Variants in CTNNA3 observed in about 807,000 individuals in gnomAD.
The protein encoded by CTNNA3 is catenin alpha 3.
CTNNA3 carries 76 observed loss-of-function variants against 95.7 expected under a neutral mutation model. The ratio of observed to expected loss-of-function variants is 0.79; its 90% CI spans 0.66 to 0.96. The LOEUF (loss-of-function observed/expected upper bound fraction) is 0.96. CTNNA3 is among the 40% of genes least tolerant of loss of function. CTNNA3 has a pLI of 0.00. For missense variants in CTNNA3, 1,191 were observed against 1,089.8 expected, an observed-to-expected ratio of 1.09 and a Z score of -1.31; for synonymous variants, 431 against 374.4, an observed-to-expected ratio of 1.15 and a Z score of -1.74.
intron 13 of CTNNA3, among the ~76,000 whole-genome samples, chr10:66,184,782 T>C (rs1294610813): frequency 6.6e-6 from 1 of 152,220 alleles, no homozygotes; most frequent in Non-Finnish European, 1.5e-5. Context: ...CTTATCATTA[T>C]GTATTGACTC....
intron 7 of CTNNA3, among the ~76,000 whole-genome samples, chr10:67,171,300 C>G (rs534895822): frequency 2.0e-5 from 3 of 152,086 alleles, no homozygotes; most frequent in African/African-American, 7.2e-5. Flanking sequence ...CTAGGCCAGG[C>G]GCAGTGGCTC....
intron 8 of CTNNA3, among the ~76,000 whole-genome samples, chr10:66,773,850 G>A (rs1471225471): frequency 6.6e-6 from 1 of 152,096 alleles, no homozygotes; most frequent in African/African-American, 2.4e-5. Context: ...TGGTAGTGAG[G>A]TGGAAATACA....
At chr10:67,666,383 G>C (rs1367560488) in intron 1 of CTNNA3, among the ~76,000 whole-genome samples, 1 of 152,018 alleles carries the variant, frequency 6.6e-6, no homozygotes. Flanking sequence ...CCTACTTCAT[G>C]ATTAAAATAT....
At chr10:66,957,401 T>TATATATATATGC (rs1848857671) in intron 7 of CTNNA3, among the ~76,000 whole-genome samples, 1 of 30,612 alleles carries the variant, frequency 3.3e-5, no homozygotes, top group Non-Finnish European at 6.0e-5. Context: ...TACATATATA[T>TATATATATATGC]ATATATATAT....
At chr10:66,661,867 A>G (rs1347515109) in intron 9 of CTNNA3, among the ~76,000 whole-genome samples, 2 of 152,176 alleles carry the variant, frequency 1.3e-5, no homozygotes, top group Non-Finnish European at 2.9e-5. Flanking sequence ...AACATTTCTT[A>G]TTAATTTTTA....
chr10:66,733,414 GATT>G (rs1330650635), intron 9 of CTNNA3, among the ~76,000 whole-genome samples: 14 of 151,838 alleles, frequency 9.2e-5, no homozygotes, highest in African/African-American at 3.1e-4. Context: ...CTTCATTGCA[GATT>G]ATAATTAAGA....
At chr10:66,392,737 T>C (rs1034005746) in intron 11 of CTNNA3, among the ~76,000 whole-genome samples, 5 of 152,036 alleles carry the variant, frequency 3.3e-5, no homozygotes, top group African/African-American at 1.2e-4. Context: ...CACCAAACAC[T>C]GGTGAAAATG....
At chr10:67,438,937 C>T (rs1406876795) in intron 5 of CTNNA3, among the ~76,000 whole-genome samples, 2 of 152,168 alleles carry the variant, frequency 1.3e-5, no homozygotes, top group Non-Finnish European at 2.9e-5. Context: ...ATCACCACTG[C>T]GGGCCAGAGA....
At chr10:67,698,249 A>AAGAG (rs60418784), upstream of CTNNA3, among the ~76,000 whole-genome samples, 38,319 of 151,604 alleles carry the variant, frequency 0.25, 5,453 homozygotes, top group East Asian at 0.51. Flanking sequence ...GGAAAAAAAA[A>AAGAG]AGAGAGAAAA....
At chr10:66,839,139 GC>G (rs1842969229) in intron 7 of CTNNA3, among the ~76,000 whole-genome samples, 1 of 152,178 alleles carries the variant, frequency 6.6e-6, no homozygotes, top group South Asian at 2.1e-4. Context: ...CTGTGATAAT[GC>G]CAAAGGGCCA....
intron 9 of CTNNA3, among the ~76,000 whole-genome samples, chr10:66,763,335 C>CAGAGAGAGAGAGAG (rs1247071541): frequency 1.8e-5 from 2 of 113,376 alleles, no homozygotes; most frequent in Non-Finnish European, 3.7e-5. Context: ...CACACACACA[C>CAGAGAGAGAGAGAG]ACACACAGAG....
At chr10:67,714,478 T>C (rs1255074598) in intron 1 of CTNNA3, among the ~76,000 whole-genome samples, 1 of 152,222 alleles carries the variant, frequency 6.6e-6, no homozygotes, top group African/African-American at 2.4e-5. Flanking sequence ...TTGGAATGGC[T>C]ATATTTACCC....
At chr10:66,251,862 ATC>A (rs1305120717) in intron 13 of CTNNA3, among the ~76,000 whole-genome samples, 2 of 152,188 alleles carry the variant, frequency 1.3e-5, no homozygotes, top group Non-Finnish European at 2.9e-5. Flanking sequence ...TGGGAGATTT[ATC>A]ATCCCCATTT....
chr10:67,470,096 C>A (rs1165020864), intron 5 of CTNNA3, among the ~76,000 whole-genome samples: 1 of 152,210 alleles, frequency 6.6e-6, no homozygotes, highest in African/African-American at 2.4e-5. Flanking sequence ...CTGCCACCCT[C>A]CTACTATCCT....
intron 15 of CTNNA3, among the ~76,000 whole-genome samples, chr10:66,038,049 C>A (rs1410609840): frequency 6.6e-6 from 1 of 152,188 alleles, no homozygotes; most frequent in Non-Finnish European, 1.5e-5. Context: ...AAAATAACAT[C>A]ATTGTCTGTA....
At chr10:66,057,598 T>A (rs758768995) in intron 15 of CTNNA3, among the ~76,000 whole-genome samples, 1 of 152,168 alleles carries the variant, frequency 6.6e-6, no homozygotes, top group African/African-American at 2.4e-5. Context: ...CTAAATAGTT[T>A]CTAGTGATTC....
intron 11 of CTNNA3, among the ~76,000 whole-genome samples, chr10:66,443,013 C>T (rs11814953): frequency 5.9e-5 from 9 of 152,030 alleles, no homozygotes; most frequent in East Asian, 1.9e-4. Flanking sequence ...GATTATATCC[C>T]GCATATGGCT....
intron 2 of CTNNA3, among the ~76,000 whole-genome samples, chr10:67,635,817 C>G (rs1241620563): frequency 6.6e-6 from 1 of 151,784 alleles, no homozygotes; most frequent in Non-Finnish European, 1.5e-5. Context: ...CTGGCCAGGA[C>G]AATAAGGCCA....
At chr10:67,647,944 G>A (rs576715730) in intron 1 of CTNNA3, among the ~76,000 whole-genome samples, 20 of 152,290 alleles carry the variant, frequency 1.3e-4, no homozygotes, top group Middle Eastern at 3.4e-3. Context: ...CAAGGAACAA[G>A]TAAACCTTTG....
Sources: allele counts gnomAD v4.1 joint callset (sites outside exome capture counted in the v4.1 genomes callset), GRCh38; gene constraint gnomAD v4.1.1; transcripts MANE v1.5; gene names NCBI Gene and HGNC (gene_info 2026-07-23, HGNC 2026-07-21).